The following DYRK3 variants were observed in gnomAD, a reference collection of about 807,000 sequenced individuals.
The protein encoded by DYRK3 is dual specificity tyrosine-phosphorylation-regulated kinase 3.
Under a neutral mutation model 40.8 loss-of-function variants are expected in DYRK3, and 30 were observed. The ratio of observed to expected loss-of-function variants is 0.74; its 90% confidence interval spans 0.55 to 1.00. The LOEUF (loss-of-function observed/expected upper bound fraction) is 1.00, where lower values mean the gene tolerates loss of function less well. Ranked by LOEUF, DYRK3 falls within the 50% of genes least tolerant of loss-of-function variation. The pLI, the probability that DYRK3 is intolerant of heterozygous loss-of-function variation, is 0.00. For missense variants in DYRK3, 699 were observed against 731.5 expected, an observed-to-expected ratio of 0.96 and a Z score of 0.51; for synonymous variants, 272 against 260.7, an observed-to-expected ratio of 1.04 and a Z score of -0.42.
rs781939615 is a variant in DYRK3 at position 206,648,596 on chromosome 1, G to T, written c.1398G>T (p.Gly466=). 1 of 1,614,020 alleles carries T rather than the reference G, an allele frequency of 6.2e-7. No individual in the cohort carries two copies. The highest frequency in any genetic ancestry group is 8.5e-7 in the Non-Finnish European group (1 of 1,179,944). ...CAGATGGGAGGGTTGTGCTTGTGGG[G>T]GGTCGCTCACGTAGGGGTAAAAAGC... ...TQADGRVVLV[G]GRSRRGKKRG... Residue 466 remains glycine, a synonymous_variant, in exon 3 of 3, where the codon GGG becomes GGT. Coordinates refer to ENST00000367109, the MANE Select transcript of DYRK3 (RefSeq NM_003582.4).
chr1:206,643,424 A>G (rs964035649), intron 2 of DYRK3, among the ~76,000 whole-genome samples: 1 of 152,206 alleles, frequency 6.6e-6, no homozygotes, highest in Non-Finnish European at 1.5e-5. Flanking sequence ...AGACCCTCTC[A>G]TTATCACAAA....
chr1:206,652,586 T>G lies in DYRK3; in HGVS notation c.*3621T>G, dbSNP rs1553421450. ...AGAGAGTGATGCAGAGCAGAGTCAT[T>G]GAAGTTGGCATACCTGTCTTCTGCA... On this transcript the variant is annotated 3_prime_UTR_variant, in exon 3 of 3. Transcript: ENST00000367109. Among the ~76,000 whole-genome samples the G allele has an allele frequency of 6.6e-6, 1 of 152,204 alleles. No homozygotes were observed. Among genetic ancestry groups the G allele is most frequent in the African/African-American group, 2.4e-5 (1 of 41,450 alleles).
In DYRK3 at chr1:206,635,789, G is replaced by A; in HGVS notation, c.77+9G>A. On this transcript the variant is annotated intron_variant, in intron 1 of 2. Transcript: ENST00000367109. Reference sequence around the variant, plus strand: ...CCGCCCCAGCAGCGGAGGTAACGGCGCCACGGGGTAACGGGCTGGAGGCGC... The same window carrying A: ...CCGCCCCAGCAGCGGAGGTAACGGCACCACGGGGTAACGGGCTGGAGGCGC... The A allele has an allele frequency of 4.0e-6, 5 of 1,242,818 alleles. No homozygotes were observed. The highest frequency in any genetic ancestry group is 5.1e-6 in the Non-Finnish European group (5 of 989,764). The allele number at this position is 1,242,818 out of a possible 1,614,324, so 77.0% of individuals were successfully genotyped here.
intron 2 of DYRK3, among the ~76,000 whole-genome samples, chr1:206,646,946 G>A (rs1468345602): frequency 3.9e-5 from 6 of 152,168 alleles, no homozygotes; most frequent in Non-Finnish European, 8.8e-5. Context: ...ACCAAATTAT[G>A]TGGCACAAAC....
chr1:206,637,868 T>G (rs1420114201), intron 2 of DYRK3, 107 bp downstream of exon 2: 2 of 800,436 alleles, frequency 2.5e-6, no homozygotes, highest in African/African-American at 3.5e-5. Flanking sequence ...GACTTTTTTT[T>G]GGTTTATTTT....
Position 206,637,744 on chromosome 1 carries a change from C to G in DYRK3, c.172C>G (p.Pro58Ala). The G allele has an allele frequency of 6.2e-7, 1 of 1,612,754 alleles. No homozygotes were observed. The highest frequency in any genetic ancestry group is 1.3e-5 in the African/African-American group (1 of 75,000). ...ACTCTGCAATCCTTCTGAACCACCT[C>G]CACCCAGAAGACTAAATGTAAGTAA... is the stretch of plus-strand genomic sequence containing the variant. The part of the protein sequence containing the change: ...NVLCNPSEPP[P>A]PRRLNMTTEQ... Residue 58 changes from proline to alanine, a missense_variant, in exon 2 of 3, where the codon CCA (proline) becomes GCA (alanine). Coordinates refer to ENST00000367109, the MANE Select transcript of DYRK3 (RefSeq NM_003582.4).
chr1:206,649,357 T>G lies in DYRK3; in HGVS notation c.*392T>G, dbSNP rs1178394171. 2.0e-5 allele frequency among the ~76,000 whole-genome samples: 3 copies of G among 152,178 alleles called. No individual in the cohort carries two copies. Among genetic ancestry groups the G allele is most frequent in the Non-Finnish European group, 2.9e-5 (2 of 68,030 alleles). On this transcript the variant is annotated 3_prime_UTR_variant, in exon 3 of 3. Coordinates refer to ENST00000367109, the MANE Select transcript of DYRK3 (RefSeq NM_003582.4). ...TGGAGGGGTAATTTGGGATGTGGTGTTAGTTGTGGCTGAGAGCCAGTGCTA... is the reference window on the plus strand; with the variant it reads ...TGGAGGGGTAATTTGGGATGTGGTGGTAGTTGTGGCTGAGAGCCAGTGCTA...
Position 206,648,370 on chromosome 1 carries a change from A to G in DYRK3, c.1172A>G (p.Asp391Gly). The change falls in exon 3 of 3, where the codon GAC becomes GGC. Residue 391 changes from aspartate to glycine, a missense_variant. By Grantham distance (94) the Asp-to-Gly change is moderately conservative. Coordinates refer to ENST00000367109, the MANE Select transcript of DYRK3 (RefSeq NM_003582.4). ...GGAAGCCGCTACAGCACACCAATTG[A>G]CATATGGAGTTTTGGCTGCATCCTT... ...ILGSRYSTPI[D>G]IWSFGCILAE... 6.2e-7 allele frequency: 1 copy of G among 1,614,112 alleles called. No individual in the cohort carries two copies. The highest frequency in any genetic ancestry group is 8.5e-7 in the Non-Finnish European group (1 of 1,180,008).
At chr1:206,642,792 G>A (rs1671328443) in intron 2 of DYRK3, among the ~76,000 whole-genome samples, 1 of 152,004 alleles carries the variant, frequency 6.6e-6, no homozygotes, top group African/African-American at 2.4e-5. Flanking sequence ...GGAGGAGGGG[G>A]GAGGGATAGC....
At chr1:206,644,030 G>GTTTTTTTTTTTT in intron 2 of DYRK3, among the ~76,000 whole-genome samples, 1 of 88,072 alleles carries the variant, frequency 1.1e-5, no homozygotes, top group Non-Finnish European at 2.6e-5. Flanking sequence ...GGGACCTACA[G>GTTTTTTTTTTTT]CTTTTTTTTT....
In DYRK3 at chr1:206,643,112, G is replaced by A. The variant is rs918666994; in HGVS notation, c.190-4276G>A. 3.9e-5 allele frequency among the ~76,000 whole-genome samples: 6 copies of A among 152,210 alleles called. No individual in the cohort carries two copies. In the South Asian group the frequency reaches 6.2e-4, roughly 16 times the overall value. ...ATAAAGTGCAGCCTATGTTGAGAAT[G>A]TGAACAGGAGAGTGGGTGAGGTAAG... On this transcript the variant is annotated intron_variant, in intron 2 of 2. Coordinates refer to ENST00000367109, the MANE Select transcript of DYRK3 (RefSeq NM_003582.4).
At chr1:206,642,837 A>G (rs1553419538) in intron 2 of DYRK3, among the ~76,000 whole-genome samples, 1 of 152,114 alleles carries the variant, frequency 6.6e-6, no homozygotes. Flanking sequence ...TGACGAGTTA[A>G]TGGGTGTAGC....
chr1:206,635,758 G>A lies in DYRK3; in HGVS notation c.55G>A (p.Gly19Arg), dbSNP rs1671081750. 3 of 1,244,672 alleles carry A rather than the reference G, an allele frequency of 2.4e-6. No individual in the cohort carries two copies. The highest frequency in any genetic ancestry group is 4.2e-5 in the Admixed American group (1 of 23,762). The allele number at this position is 1,244,672 out of a possible 1,614,324, so 77.1% of individuals were successfully genotyped here. Reference sequence around the variant, plus strand: ...GAAGGATGCGGGGCCGCCTGGGGCCGGGCTCCCGCCCCAGCAGCGGAGGTA... The same window carrying A: ...GAAGGATGCGGGGCCGCCTGGGGCCAGGCTCCCGCCCCAGCAGCGGAGGTA... ...GRKDAGPPGA[G>R]LPPQQRRLGD... The change falls in exon 1 of 3, where the codon GGG becomes AGG. Residue 19 changes from glycine (G) to arginine (R), a missense_variant. Coordinates refer to ENST00000367109, the MANE Select transcript of DYRK3 (RefSeq NM_003582.4).
chr1:206,637,570 A>G (rs1671151023), intron 1 of DYRK3, 80 bp from the exon 2 acceptor site: 2 of 914,222 alleles, frequency 2.2e-6, no homozygotes, highest in Non-Finnish European at 3.5e-6. Context: ...TGTTCCTTGT[A>G]GCAGATATGA....
At position 206,654,636 on chromosome 1, in the gene DYRK3, G is replaced by A. The variant is rs1671707810; in HGVS notation, c.*5671G>A. On this transcript the variant is annotated 3_prime_UTR_variant, in exon 3 of 3. Transcript: ENST00000367109. ...TAATATGATTAGGGTGTTTTTCTGA[G>A]TGTCTGTCAAATTATGCTGGCTAAT... 2.6e-5 allele frequency among the ~76,000 whole-genome samples: 4 copies of A among 152,138 alleles called. No individual in the cohort carries two copies. In the South Asian group the frequency reaches 8.3e-4, roughly 31 times the overall value.
chr1:206,643,693 G>A (rs782341633), intron 2 of DYRK3, among the ~76,000 whole-genome samples: 6 of 152,140 alleles, frequency 3.9e-5, no homozygotes, highest in East Asian at 3.8e-4. Context: ...AGGCAATTCC[G>A]TGTATCCTAA....
At chr1:206,639,922 T>C (rs1328703966) in intron 2 of DYRK3, among the ~76,000 whole-genome samples, 1 of 149,678 alleles carries the variant, frequency 6.7e-6, no homozygotes, top group Non-Finnish European at 1.5e-5. Context: ...TACTCATTAC[T>C]CATTTCTTTT....
intron 2 of DYRK3, among the ~76,000 whole-genome samples, chr1:206,640,620 G>C (rs1156319406): frequency 6.7e-6 from 1 of 149,972 alleles, no homozygotes; most frequent in Admixed American, 6.7e-5. Flanking sequence ...GCACTATCTC[G>C]GCTCATTGCA....
chr1:206,647,833 T>C lies in DYRK3; in HGVS notation c.635T>C (p.Leu212Pro), dbSNP rs1442166680. 1.9e-6 allele frequency: 3 copies of C among 1,614,016 alleles called. No individual in the cohort carries two copies. Among genetic ancestry groups the C allele is most frequent in the Non-Finnish European group, 2.5e-6 (3 of 1,180,030 alleles). The stretch of plus-strand genomic sequence containing the variant: ...CATCTAGCTTATCGATATGAGGTGC[T>C]GAAAATTATTGGCAAGGGGAGTTTT... ...RDHLAYRYEV[L>P]KIIGKGSFGQ... The change falls in exon 3 of 3, where the codon CTG becomes CCG. Residue 212 changes from leucine to proline, a missense_variant. By Grantham distance (98) the Leu-to-Pro change is moderately conservative. Transcript: ENST00000367109.
Sources: gnomAD v4.1 joint callset for allele counts (sites outside exome capture counted in the v4.1 genomes callset) on GRCh38, gnomAD v4.1.1 for gene constraint, MANE v1.5 for transcripts, NCBI Gene and HGNC (gene_info 2026-07-23, HGNC 2026-07-21) for gene names.